NRCAM: variants seen among roughly 807,000 people sequenced by gnomAD.
The protein encoded by NRCAM is NgCAM-related cell adhesion molecule.
Under a neutral mutation model 156.5 loss-of-function variants are expected in NRCAM, and 83 were observed. That is an observed-to-expected ratio of 0.53 (90% confidence interval 0.44 to 0.64). The LOEUF is 0.64. NRCAM is among the 30% of genes least tolerant of loss of function. NRCAM has a pLI of 0.00. For missense variants in NRCAM, 1,417 were observed against 1,597.3 expected, an observed-to-expected ratio of 0.89 and a Z score of 1.92; for synonymous variants, 538 against 563.9, an observed-to-expected ratio of 0.95 and a Z score of 0.65.
At chr7:108,387,990 G>C (rs1434321227) in intron 2 of NRCAM, among the ~76,000 whole-genome samples, 6 of 152,114 alleles carry the variant, frequency 3.9e-5, no homozygotes, top group African/African-American at 1.4e-4. Context: ...CCAAGTCTTT[G>C]CTATTGTGAA....
chr7:108,444,599 T>C (rs759922283), intron 1 of NRCAM, among the ~76,000 whole-genome samples: 1 of 152,192 alleles, frequency 6.6e-6, no homozygotes, highest in Non-Finnish European at 1.5e-5. Context: ...TCCTGGCTTC[T>C]AGTGGTTTGC....
chr7:108,323,183 G>C (rs2099023102), intron 2 of NRCAM, among the ~76,000 whole-genome samples: 1 of 152,196 alleles, frequency 6.6e-6, no homozygotes, highest in Non-Finnish European at 1.5e-5. Flanking sequence ...CACTGAGCTT[G>C]AAAAATTGCA....
At position 108,240,164 on chromosome 7, in the gene NRCAM, C is replaced by A; in HGVS notation, c.-100G>T. 9.5e-6 allele frequency: 7 copies of A among 739,264 alleles called. No individual in the cohort carries two copies. The highest frequency in any genetic ancestry group is 2.3e-5 in the Admixed American group (1 of 42,742). 45.8% of individuals were successfully genotyped at this position (739,264 alleles called of 1,614,324 possible). A position where few individuals can be genotyped will look rare whatever the true frequency, so the allele number is the denominator to read the frequency against. ...GTGCAACGTTTAAGTAATTTTCATG[C>A]GGGAAACTGAAAAAGGATAGAGTAG... On this transcript the variant is annotated 5_prime_UTR_variant, in exon 4 of 33. Coordinates refer to ENST00000379028, the MANE Select transcript of NRCAM (RefSeq NM_001037132.4).
At chr7:108,454,588 A>G (rs1050944716) in intron 1 of NRCAM, among the ~76,000 whole-genome samples, 6 of 152,194 alleles carry the variant, frequency 3.9e-5, no homozygotes, top group African/African-American at 1.4e-4. Context: ...GCCTAACTCC[A>G]TTTCAGTACT....
In NRCAM at chr7:108,149,844, G is replaced by A; in HGVS notation, c.*66C>T. On this transcript the variant is annotated 3_prime_UTR_variant, in exon 33 of 33. Coordinates refer to ENST00000379028, the MANE Select transcript of NRCAM (RefSeq NM_001037132.4). The stretch of plus-strand genomic sequence containing the variant: ...TACCCATATGTTCATAGTATGAGAG[G>A]GCTGACAAACAAGTGCTTAGGATAA... 7.8e-7 allele frequency: 1 copy of A among 1,282,022 alleles called. No individual in the cohort carries two copies. Among genetic ancestry groups the A allele is most frequent in the Admixed American group, 2.0e-5 (1 of 50,120 alleles). The allele number at this position is 1,282,022 out of a possible 1,614,324, so 79.4% of individuals were successfully genotyped here.
rs563014894 is a variant in NRCAM, at chr7:108,184,305, T to C, written c.2240A>G (p.Asp747Gly). ...TCCTTCCACAGCTGTGGGGTTTTTATCTGGTTCTGGAAGTTAAGCAGCCAC... is the reference window on the plus strand; with the variant it reads ...TCCTTCCACAGCTGTGGGGTTTTTACCTGGTTCTGGAAGTTAAGCAGCCAC... Reference protein sequence around the residue: ...EQYLTKASEPDKNPTAVEGLG... With the variant: ...EQYLTKASEPGKNPTAVEGLG... The change falls in exon 22 of 33, where the codon GAT (aspartate) becomes GGT (glycine). Residue 747 changes from aspartate (D) to glycine (G), a missense_variant. Physicochemically the swap from Asp to Gly is moderately conservative, Grantham distance 94. Around this residue, in one of 2 missense-constraint regions of NRCAM, gnomAD observed 1,238 missense variants for 1,336.4 expected, o/e 0.93. Transcript: ENST00000379028. 4.3e-6 allele frequency: 7 copies of C among 1,614,174 alleles called. No homozygotes were observed. The highest frequency in any genetic ancestry group is 4.0e-5 in the African/African-American group (3 of 75,048).
At chr7:108,197,815 T>TTTA in intron 14 of NRCAM, 141 bp downstream of exon 14, 1 of 540,512 alleles carries the variant, frequency 1.9e-6, no homozygotes, top group Non-Finnish European at 3.0e-6. Flanking sequence ...TGGGGCAAGG[T>TTTA]TTATATCTTA....
chr7:108,346,826 A>G (rs1212652592), intron 2 of NRCAM, among the ~76,000 whole-genome samples: 1 of 152,106 alleles, frequency 6.6e-6, no homozygotes, highest in African/African-American at 2.4e-5. Flanking sequence ...GAGTACATAC[A>G]TGTTTGGATT....
intron 13 of NRCAM, among the ~76,000 whole-genome samples, chr7:108,199,612 C>T (rs1414781271): frequency 6.6e-6 from 1 of 152,136 alleles, no homozygotes; most frequent in Admixed American, 6.5e-5. Context: ...TCAAAGCTGT[C>T]GATGTTGCAT....
chr7:108,369,399 A>G (rs1253368568), intron 2 of NRCAM, among the ~76,000 whole-genome samples: 1 of 152,162 alleles, frequency 6.6e-6, no homozygotes, highest in Non-Finnish European at 1.5e-5. Flanking sequence ...AACTTATGAA[A>G]TATAGGCCAC....
At chr7:108,251,497 A>G (rs1009404143) in intron 3 of NRCAM, among the ~76,000 whole-genome samples, 1 of 152,234 alleles carries the variant, frequency 6.6e-6, no homozygotes, top group Non-Finnish European at 1.5e-5. Context: ...CAAATCTGCT[A>G]TAATAGAAAT....
At chr7:108,304,263 G>C (rs1263164106) in intron 3 of NRCAM, among the ~76,000 whole-genome samples, 1 of 151,982 alleles carries the variant, frequency 6.6e-6, no homozygotes, top group Non-Finnish European at 1.5e-5. Context: ...TTAATGATCA[G>C]TTAAAGTCCA....
At chr7:108,214,777 A>G (rs2086959989) in intron 11 of NRCAM, among the ~76,000 whole-genome samples, 1 of 152,146 alleles carries the variant, frequency 6.6e-6, no homozygotes, top group African/African-American at 2.4e-5. Context: ...TTAGCTGTAC[A>G]TTGTGATCCT....
intron 2 of NRCAM, among the ~76,000 whole-genome samples, chr7:108,381,622 C>T (rs1295801051): frequency 2.7e-5 from 4 of 146,952 alleles, no homozygotes; most frequent in East Asian, 2.0e-4. Context: ...TGCAATGGTG[C>T]GATTTCGGCT....
intron 3 of NRCAM, among the ~76,000 whole-genome samples, chr7:108,252,851 C>T (rs918514740): frequency 5.9e-5 from 9 of 152,194 alleles, no homozygotes; most frequent in East Asian, 5.8e-4. Context: ...AACATTTCTG[C>T]GAAAATTTTG....
At chr7:108,170,655 T>C (rs1179027073) in intron 28 of NRCAM, among the ~76,000 whole-genome samples, 2 of 152,218 alleles carry the variant, frequency 1.3e-5, no homozygotes, top group African/African-American at 4.8e-5. Context: ...CAAACTGTGC[T>C]CTGGCCACCT....
intron 1 of NRCAM, among the ~76,000 whole-genome samples, chr7:108,420,205 G>T (rs1022744477): frequency 6.6e-6 from 1 of 152,030 alleles, no homozygotes; most frequent in Non-Finnish European, 1.5e-5. Flanking sequence ...TGGCCTCTAT[G>T]AATATCTTGA....
At chr7:108,173,685 G>A (rs1020390057) in intron 28 of NRCAM, among the ~76,000 whole-genome samples, 4 of 151,938 alleles carry the variant, frequency 2.6e-5, no homozygotes, top group Non-Finnish European at 4.4e-5. Flanking sequence ...TTATTTAAAC[G>A]CTATTCTTTT....
intron 4 of NRCAM, among the ~76,000 whole-genome samples, chr7:108,238,807 A>T (rs955447275): frequency 6.6e-6 from 1 of 152,150 alleles, no homozygotes; most frequent in Non-Finnish European, 1.5e-5. Context: ...TTTAAATAAG[A>T]AAAGCACTGC....
Sources: allele counts gnomAD v4.1 joint callset (sites outside exome capture counted in the v4.1 genomes callset), GRCh38; gene constraint gnomAD v4.1.1; regional missense constraint gnomAD v4.1.1; transcripts MANE v1.5; gene names NCBI Gene and HGNC (gene_info 2026-07-23, HGNC 2026-07-21).